CSMD1: variants seen among roughly 807,000 people sequenced by gnomAD.
CSMD1 encodes the protein CUB and Sushi multiple domains 1, also known as CUB and sushi domain-containing protein 1.
A neutral mutation model predicts 417.5 loss-of-function variants in CSMD1; 213 were observed. The observed-to-expected ratio is 0.51, with a 90% CI of 0.46 to 0.57. CSMD1 has a LOEUF of 0.57. CSMD1 is among the 20% of genes least tolerant of loss of function. The probability of loss-of-function intolerance (pLI) is 0.00; values close to 1 mark genes in which losing one functional copy is unlikely to be tolerated. For synonymous variants in CSMD1, 2,862 were observed against 1,736.8 expected (o/e 1.65, Z -16.11); for missense variants, 6,923 against 4,529.7 (o/e 1.53, Z -15.17).
At chr8:3,754,657 G>T (rs527644709) in intron 5 of CSMD1, among the ~76,000 whole-genome samples, 3 of 152,268 alleles carry the variant, frequency 2.0e-5, no homozygotes, top group Admixed American at 1.3e-4. Context: ...GTTTTGCCGT[G>T]TTGGCCAGGC....
intron 18 of CSMD1, among the ~76,000 whole-genome samples, chr8:3,382,064 C>G (rs981686875): frequency 7.2e-5 from 11 of 152,024 alleles, no homozygotes; most frequent in African/African-American, 2.7e-4. Flanking sequence ...TCGAGACCAG[C>G]CTGGCCAACA....
intron 68 of CSMD1, among the ~76,000 whole-genome samples, chr8:2,943,171 T>C (rs1802005388): frequency 6.6e-6 from 1 of 152,160 alleles, no homozygotes; most frequent in South Asian, 2.1e-4. Context: ...AATGCAAGTT[T>C]CCATGAAGAC....
intron 22 of CSMD1, among the ~76,000 whole-genome samples, chr8:3,347,132 T>G (rs1242638141): frequency 6.6e-6 from 1 of 152,262 alleles, no homozygotes; most frequent in African/African-American, 2.4e-5. Context: ...GAATTTGTGT[T>G]GGGCCACAGT....
intron 30 of CSMD1, among the ~76,000 whole-genome samples, chr8:3,213,395 C>T (rs966062917): frequency 6.6e-6 from 1 of 152,070 alleles, no homozygotes; most frequent in African/African-American, 2.4e-5. Flanking sequence ...TAGAGACCCC[C>T]ATGAAACCAC....
intron 25 of CSMD1, among the ~76,000 whole-genome samples, chr8:3,293,725 C>T (rs929134499): frequency 3.3e-5 from 5 of 151,310 alleles, no homozygotes; most frequent in South Asian, 4.3e-4. Context: ...GTTAGCCATT[C>T]GTTTAATTTT....
intron 4 of CSMD1, among the ~76,000 whole-genome samples, chr8:4,014,040 T>C (rs923123921): frequency 1.3e-5 from 2 of 152,172 alleles, no homozygotes; most frequent in Non-Finnish European, 2.9e-5. Flanking sequence ...GAAATATTGA[T>C]GTGTATTGGA....
At chr8:3,524,308 G>C (rs1003172969) in intron 10 of CSMD1, among the ~76,000 whole-genome samples, 1 of 138,714 alleles carries the variant, frequency 7.2e-6, no homozygotes, top group Non-Finnish European at 1.6e-5. Flanking sequence ...TACACTCAGA[G>C]ACATATGCAC....
chr8:3,317,889 C>T (rs1351957037), intron 23 of CSMD1, among the ~76,000 whole-genome samples: 6 of 152,232 alleles, frequency 3.9e-5, no homozygotes, highest in African/African-American at 1.4e-4. Flanking sequence ...TGGCTCACTA[C>T]AGCCTTGACC....
intron 38 of CSMD1, among the ~76,000 whole-genome samples, chr8:3,159,464 G>C (rs1363041038): frequency 2.0e-5 from 3 of 152,160 alleles, no homozygotes; most frequent in African/African-American, 7.2e-5. Context: ...GTGATGTCAT[G>C]GCAGCCCCTG....
chr8:4,346,725 A>G lies in CSMD1; in HGVS notation c.415+73228T>C, dbSNP rs550744598. ...GAAATGTCGTATTATTTATAATTAT[A>G]TTTTAGATATAAAAATAAATTAACA... On this transcript the variant is annotated intron_variant, in intron 3 of 69. Transcript: ENST00000635120. Among the ~76,000 whole-genome samples, 4 of 152,272 alleles carry G rather than the reference A, an allele frequency of 2.6e-5. No individual in the cohort carries two copies. The South Asian group carries it at 8.3e-4, about 32-fold the overall frequency.
At chr8:3,417,192 T>C (rs373913996) in intron 12 of CSMD1, among the ~76,000 whole-genome samples, 1 of 152,198 alleles carries the variant, frequency 6.6e-6, no homozygotes, top group Non-Finnish European at 1.5e-5. Flanking sequence ...CTTCAAGTTA[T>C]CACAAAATAG....
chr8:3,280,392 G>A (rs1041770603), intron 26 of CSMD1, among the ~76,000 whole-genome samples: 1 of 152,174 alleles, frequency 6.6e-6, no homozygotes, highest in African/African-American at 2.4e-5. Flanking sequence ...CATTTCCAGA[G>A]TTGTAGTCTA....
chr8:3,468,617 T>C lies in CSMD1; in HGVS notation c.1561+95A>G, dbSNP rs538386295. 4 of 678,058 alleles carry C rather than the reference T, an allele frequency of 5.9e-6. No individual in the cohort carries two copies. The East Asian group carries it at 1.2e-4, about 20-fold the overall frequency. 42.0% of individuals were successfully genotyped at this position (678,058 alleles called of 1,614,324 possible). On this transcript the variant is annotated intron_variant, in intron 12 of 69. Coordinates refer to ENST00000635120, the MANE Select transcript of CSMD1 (RefSeq NM_033225.6). The stretch of plus-strand genomic sequence containing the variant: ...TTCCTATTTATCAGCATTGTTTGAC[T>C]TGTTGATTTTACTTCTACCTAACCA...
At chr8:3,431,685 C>A (rs1336700067) in intron 12 of CSMD1, among the ~76,000 whole-genome samples, 2 of 152,140 alleles carry the variant, frequency 1.3e-5, no homozygotes, top group Non-Finnish European at 2.9e-5. Context: ...ACATATGACC[C>A]ATAGTCTTGC....
chr8:4,540,528 A>G (rs1039105951), intron 2 of CSMD1, among the ~76,000 whole-genome samples: 6 of 152,170 alleles, frequency 3.9e-5, no homozygotes, highest in African/African-American at 1.4e-4. Flanking sequence ...ACAGAGCGAG[A>G]CCTCATCTGA....
At chr8:4,523,956 C>G (rs1316971657) in intron 2 of CSMD1, among the ~76,000 whole-genome samples, 2 of 152,080 alleles carry the variant, frequency 1.3e-5, no homozygotes. Flanking sequence ...CCAGGTGTTT[C>G]CCCAGCCAGC....
In CSMD1 at chr8:4,635,802, T is replaced by C. The variant is rs189379039; in HGVS notation, c.302+1540A>G. ...AGCAAGTATTGTATATGTAGATACT[T>C]TGTTCAAATACTAACACATAAGACC... On this transcript the variant is annotated intron_variant, in intron 2 of 69. Coordinates refer to ENST00000635120, the MANE Select transcript of CSMD1 (RefSeq NM_033225.6). Among the ~76,000 whole-genome samples the C allele has an allele frequency of 3.4e-3, 515 of 152,194 alleles. 13 individuals are homozygous for C. The South Asian group carries it at 0.038, about 11-fold the overall frequency.
At chr8:4,008,592 C>CT (rs1201409236) in intron 4 of CSMD1, among the ~76,000 whole-genome samples, 2 of 86,580 alleles carry the variant, frequency 2.3e-5, no homozygotes, top group African/African-American at 4.3e-5. Flanking sequence ...TATTTTCTTT[C>CT]TTTTTTTCTT....
At chr8:3,695,094 G>GTGTGTGTGTGTGTGTGTA (rs1191856018) in intron 7 of CSMD1, among the ~76,000 whole-genome samples, 2 of 151,150 alleles carry the variant, frequency 1.3e-5, no homozygotes, top group Non-Finnish European at 3.0e-5. Flanking sequence ...CTGCGTGTGT[G>GTGTGTGTGTGTGTGTGTA]TGTGTGTGTG....
Sources: gnomAD v4.1 joint callset for allele counts (sites outside exome capture counted in the v4.1 genomes callset) on GRCh38, gnomAD v4.1.1 for gene constraint, MANE v1.5 for transcripts, NCBI Gene and HGNC (gene_info 2026-07-23, HGNC 2026-07-21) for gene names.